The following CACNA2D3 variants were observed in gnomAD, a reference collection of about 807,000 sequenced individuals.
CACNA2D3 encodes voltage-dependent calcium channel subunit alpha-2/delta-3.
CACNA2D3 carries 60 observed loss-of-function variants against 160.6 expected under a neutral mutation model. That is an observed-to-expected ratio of 0.37 (90% CI 0.30 to 0.46). The LOEUF is 0.46. CACNA2D3 is among the 20% of genes least tolerant of loss of function. The pLI is 1.00. For missense variants in CACNA2D3, 1,205 were observed against 1,365.0 expected, an observed-to-expected ratio of 0.88 and a Z score of 1.85; for synonymous variants, 558 against 492.9, an observed-to-expected ratio of 1.13 and a Z score of -1.75.
chr3:54,565,400 C>T (rs1017936976), intron 6 of CACNA2D3, among the ~76,000 whole-genome samples: 1 of 152,046 alleles, frequency 6.6e-6, no homozygotes, highest in African/African-American at 2.4e-5. Flanking sequence ...TTTTGGTAAG[C>T]ATTAGCCTGA....
chr3:54,410,764 C>T (rs1342966381), intron 4 of CACNA2D3, among the ~76,000 whole-genome samples: 4 of 152,124 alleles, frequency 2.6e-5, no homozygotes, highest in African/African-American at 4.8e-5. Context: ...CTACAGTCCA[C>T]GGATCAGGGA....
chr3:54,798,767 C>A (rs1045085285), intron 13 of CACNA2D3, among the ~76,000 whole-genome samples: 1 of 152,190 alleles, frequency 6.6e-6, no homozygotes, highest in African/African-American at 2.4e-5. Context: ...GAGCAGCAGC[C>A]TGCAGAGGGG....
At chr3:54,249,687 A>T (rs1702147360) in intron 2 of CACNA2D3, among the ~76,000 whole-genome samples, 1 of 151,300 alleles carries the variant, frequency 6.6e-6, no homozygotes. Flanking sequence ...ACACACACAC[A>T]CACACACACA....
chr3:54,254,912 T>C (rs541162707), intron 2 of CACNA2D3, among the ~76,000 whole-genome samples: 3 of 152,194 alleles, frequency 2.0e-5, no homozygotes, highest in Non-Finnish European at 4.4e-5. Context: ...TAGGACATCT[T>C]CCTGTCCTCC....
intron 5 of CACNA2D3, among the ~76,000 whole-genome samples, chr3:54,509,445 C>T (rs1366593819): frequency 6.6e-6 from 1 of 152,088 alleles, no homozygotes; most frequent in East Asian, 1.9e-4. Context: ...GGATTAGGCT[C>T]CAATCTTGCT....
chr3:54,469,039 A>G (rs140858986), intron 4 of CACNA2D3, among the ~76,000 whole-genome samples: 1 of 152,208 alleles, frequency 6.6e-6, no homozygotes, highest in Non-Finnish European at 1.5e-5. Context: ...GGCTCTTAAG[A>G]GAACAGCCCA....
chr3:54,927,455 A>G (rs1701054801), intron 27 of CACNA2D3, among the ~76,000 whole-genome samples: 2 of 152,180 alleles, frequency 1.3e-5, no homozygotes, highest in Admixed American at 6.5e-5. Context: ...GACACCCCTC[A>G]TTTTTAGCTG....
At chr3:54,552,198 C>T (rs1702169471) in intron 5 of CACNA2D3, among the ~76,000 whole-genome samples, 1 of 152,144 alleles carries the variant, frequency 6.6e-6, no homozygotes, top group Non-Finnish European at 1.5e-5. Flanking sequence ...TAGGAACTCT[C>T]GGAGGGGGAC....
intron 2 of CACNA2D3, among the ~76,000 whole-genome samples, chr3:54,237,220 G>C (rs746061819): frequency 4.6e-5 from 7 of 152,040 alleles, no homozygotes; most frequent in Non-Finnish European, 1.0e-4. Flanking sequence ...ATATGACCAT[G>C]TCTCTTTCAA....
chr3:54,987,322 T>C (rs1431110244), intron 30 of CACNA2D3, among the ~76,000 whole-genome samples: 4 of 152,184 alleles, frequency 2.6e-5, no homozygotes, highest in African/African-American at 9.7e-5. Context: ...CATAGTCTGT[T>C]TCTGCCTATA....
At chr3:54,891,551 A>G (rs1162832158) in intron 25 of CACNA2D3, 101 bp downstream of exon 25, 2 of 941,614 alleles carry the variant, frequency 2.1e-6, no homozygotes, top group Non-Finnish European at 3.3e-6. Context: ...TGGTAGAAAC[A>G]TAATTTAGGC....
intron 5 of CACNA2D3, among the ~76,000 whole-genome samples, chr3:54,549,929 C>G (rs999846953): frequency 6.6e-6 from 1 of 152,170 alleles, no homozygotes; most frequent in African/African-American, 2.4e-5. Context: ...TTTCTCTCTT[C>G]CGAAAGGTTA....
intron 2 of CACNA2D3, among the ~76,000 whole-genome samples, chr3:54,229,025 A>T (rs983949629): frequency 6.6e-6 from 1 of 152,218 alleles, no homozygotes. Context: ...TGGAAGATTC[A>T]GGAATGAATG....
intron 27 of CACNA2D3, chr3:54,924,919 C>T: frequency 6.2e-7 from 1 of 1,613,116 alleles, no homozygotes; most frequent in Non-Finnish European, 8.5e-7. Context: ...AGATTTAAAA[C>T]CTGCAAGTGC....
intron 4 of CACNA2D3, among the ~76,000 whole-genome samples, chr3:54,468,263 G>C (rs1700663994): frequency 6.6e-6 from 1 of 152,210 alleles, no homozygotes; most frequent in African/African-American, 2.4e-5. Flanking sequence ...GTTGGACAGT[G>C]GGTGCAGCCC....
chr3:54,323,312 A>G (rs1194954219), intron 3 of CACNA2D3, among the ~76,000 whole-genome samples: 1 of 152,056 alleles, frequency 6.6e-6, no homozygotes, highest in African/African-American at 2.4e-5. Context: ...CTCAGGTTCA[A>G]ATTTGCCCAT....
chr3:54,263,309 G>A (rs1559900584), intron 2 of CACNA2D3, among the ~76,000 whole-genome samples: 1 of 152,146 alleles, frequency 6.6e-6, no homozygotes, highest in Non-Finnish European at 1.5e-5. Flanking sequence ...AAAATTAATA[G>A]TCAGAAATAG....
At chr3:54,423,534 C>T (rs1181855590) in intron 4 of CACNA2D3, among the ~76,000 whole-genome samples, 1 of 152,120 alleles carries the variant, frequency 6.6e-6, no homozygotes, top group African/African-American at 2.4e-5. Context: ...GCTTGGAGAG[C>T]AATGCTTATG....
chr3:54,469,952 T>C (rs1267401073), intron 4 of CACNA2D3, among the ~76,000 whole-genome samples: 1 of 152,212 alleles, frequency 6.6e-6, no homozygotes, highest in Non-Finnish European at 1.5e-5. Flanking sequence ...AACTTACTTT[T>C]GACTGATGTA....
Sources: allele counts gnomAD v4.1 joint callset (sites outside exome capture counted in the v4.1 genomes callset), GRCh38; gene constraint gnomAD v4.1.1; transcripts MANE v1.5; gene names NCBI Gene and HGNC (gene_info 2026-07-23, HGNC 2026-07-21).